The following SPIDR variants were observed in gnomAD, a reference collection of about 807,000 sequenced individuals.
SPIDR encodes the protein DNA repair-scaffolding protein.
In SPIDR, 93 loss-of-function variants were observed where a neutral mutation model predicts 104.6. The ratio of observed to expected loss-of-function variants is 0.89; its 90% CI spans 0.75 to 1.06. The LOEUF is 1.06. SPIDR is among the 50% of genes least tolerant of loss of function. The pLI is 0.00. For synonymous variants in SPIDR, 431 were observed against 416.9 expected, an observed-to-expected ratio of 1.03 and a Z score of -0.41; for missense variants, 1,154 against 1,111.2, an observed-to-expected ratio of 1.04 and a Z score of -0.55.
At chr8:47,385,926 A>G (rs567605502) in intron 5 of SPIDR, among the ~76,000 whole-genome samples, 2 of 152,162 alleles carry the variant, frequency 1.3e-5, no homozygotes, top group Non-Finnish European at 1.5e-5. Flanking sequence ...TTTGTGTCAT[A>G]CTAGAAAAAC....
intron 8 of SPIDR, 96 bp from the exon 9 acceptor site, chr8:47,595,715 C>T: frequency 3.4e-6 from 4 of 1,179,210 alleles, no homozygotes; most frequent in Non-Finnish European, 4.9e-6. Flanking sequence ...CTGTCCATAG[C>T]AGGCGAGTCA....
At chr8:47,526,038 G>T (rs1220885852) in intron 8 of SPIDR, among the ~76,000 whole-genome samples, 3 of 152,098 alleles carry the variant, frequency 2.0e-5, no homozygotes, top group Non-Finnish European at 4.4e-5. Flanking sequence ...GCATATAGTG[G>T]CACCAGCCTA....
chr8:47,728,997 C>G lies in SPIDR; in HGVS notation c.2500C>G (p.Gln834Glu). 1 of 1,614,012 alleles carries G rather than the reference C, an allele frequency of 6.2e-7. No homozygotes were observed. The highest frequency in any genetic ancestry group is 8.5e-7 in the Non-Finnish European group (1 of 1,180,042). ...ATCTCCTGTTCTCAAGAGGCACCTG[C>G]AGGTCTTCCTGGACTGCCGCTCAAG... ...VTSPVLKRHL[Q>E]VFLDCRSRPQ... Residue 834 changes from glutamine to glutamate, a missense_variant, in exon 18 of 20, where the codon CAG becomes GAG. By Grantham distance (29) the Gln-to-Glu change is conservative. Transcript: ENST00000297423.
At position 47,595,823 on chromosome 8, in the gene SPIDR, T is replaced by A. The variant is rs1226676766; in HGVS notation, c.1110T>A (p.Ile370=). The change falls in exon 9 of 20, where the codon ATT becomes ATA. Residue 370 remains isoleucine, a synonymous_variant. Transcript: ENST00000297423. ...TTCTCTTTTCCAGGCAAAAACTGAT[T>A]ATTCCAAGTGGAAGTTGCCCTGTTA... The part of the protein sequence containing the change: ...VRIFPPWQKL[I]IPSGSCPVIL... 6.2e-7 allele frequency: 1 copy of A among 1,613,980 alleles called. No individual in the cohort carries two copies. Among genetic ancestry groups the A allele is most frequent in the African/African-American group, 1.3e-5 (1 of 74,948 alleles).
chr8:47,349,065 G>A (rs1465780565), intron 5 of SPIDR, among the ~76,000 whole-genome samples: 3 of 152,192 alleles, frequency 2.0e-5, no homozygotes, highest in African/African-American at 7.2e-5. Flanking sequence ...TTTCTGCTCT[G>A]GTTTCTCCCC....
At chr8:47,360,716 A>G (rs2154289091) in intron 5 of SPIDR, 1 of 382,836 alleles carries the variant, frequency 2.6e-6, no homozygotes, top group Middle Eastern at 1.3e-3. Flanking sequence ...CCCACTTTCT[A>G]CATGTTGGCA....
At chr8:47,311,712 CTT>C (rs782752868) in intron 5 of SPIDR, among the ~76,000 whole-genome samples, 1 of 145,456 alleles carries the variant, frequency 6.9e-6, no homozygotes, top group Non-Finnish European at 1.5e-5. Context: ...TAGCTGACTT[CTT>C]TTTTTTTTTA....
At chr8:47,661,091 T>C in intron 10 of SPIDR, 1 of 333,894 alleles carries the variant, frequency 3.0e-6, no homozygotes. Flanking sequence ...AAAGTGGGGG[T>C]TATTGGGGTG....
intron 5 of SPIDR, among the ~76,000 whole-genome samples, chr8:47,342,833 A>G (rs1587351939): frequency 6.6e-6 from 1 of 152,146 alleles, no homozygotes; most frequent in East Asian, 1.9e-4. Context: ...CATTTTCCCA[A>G]CATGTTCTTA....
intron 5 of SPIDR, among the ~76,000 whole-genome samples, chr8:47,335,417 GT>G (rs1199809721): frequency 6.6e-6 from 1 of 151,942 alleles, no homozygotes; most frequent in Non-Finnish European, 1.5e-5. Flanking sequence ...TCTCACAACA[GT>G]TCATTCTTTG....
At chr8:47,261,060 G>A (rs2032021840) in intron 1 of SPIDR, 69 bp downstream of exon 1, 2 of 1,222,796 alleles carry the variant, frequency 1.6e-6, no homozygotes, top group Non-Finnish European at 2.0e-6. Context: ...GGCCGGCGCG[G>A]GGCTGGCCCC....
intron 5 of SPIDR, among the ~76,000 whole-genome samples, chr8:47,346,723 T>C (rs1264592494): frequency 1.3e-5 from 2 of 152,244 alleles, no homozygotes; most frequent in Non-Finnish European, 2.9e-5. Context: ...ACCCATTTCT[T>C]CTAGATTTTC....
intron 7 of SPIDR, among the ~76,000 whole-genome samples, chr8:47,434,888 C>A (rs955919558): frequency 6.6e-6 from 1 of 152,130 alleles, no homozygotes; most frequent in Non-Finnish European, 1.5e-5. Flanking sequence ...TCAACAACAA[C>A]AAAAAAGGCA....
At chr8:47,322,765 A>G (rs2046937228) in intron 5 of SPIDR, among the ~76,000 whole-genome samples, 1 of 152,224 alleles carries the variant, frequency 6.6e-6, no homozygotes, top group African/African-American at 2.4e-5. Context: ...GCCATAAAAA[A>G]GGATGAGTTC....
intron 7 of SPIDR, among the ~76,000 whole-genome samples, chr8:47,428,623 G>GT (rs1266104338): frequency 1.3e-5 from 2 of 152,012 alleles, no homozygotes; most frequent in Non-Finnish European, 2.9e-5. Flanking sequence ...AAAACAATTT[G>GT]TTTTTTTAGA....
chr8:47,260,975 G>A lies in SPIDR; in HGVS notation c.17G>A (p.Arg6His), dbSNP rs1182705303. ...CTCCCGGAGATGCCCCGCGGCAGCC[G>A]CGCTCGGGGCTCTAAGGTAGGCTCT... MPRGS[R>H]ARGSKRKRSW... The change falls in exon 1 of 20, where the codon CGC (arginine) becomes CAC (histidine). Residue 6 changes from arginine (R) to histidine (H), a missense_variant. By Grantham distance (29) the Arg-to-His change is conservative (BLOSUM62 0). Coordinates refer to ENST00000297423, the MANE Select transcript of SPIDR (RefSeq NM_001080394.4). 8.9e-6 allele frequency: 11 copies of A among 1,230,220 alleles called. No homozygotes were observed. The highest frequency in any genetic ancestry group is 3.2e-5 in the East Asian group (1 of 31,434). 76.2% of individuals were successfully genotyped at this position (1,230,220 alleles called of 1,614,324 possible).
intron 8 of SPIDR, among the ~76,000 whole-genome samples, chr8:47,538,047 C>T (rs577707241): frequency 6.6e-5 from 10 of 151,902 alleles, no homozygotes; most frequent in Non-Finnish European, 8.8e-5. Flanking sequence ...TGGTGACTCG[C>T]GCATATAATC....
At chr8:47,419,385 G>T (rs1183982566) in intron 7 of SPIDR, 3 of 152,142 alleles carry the variant, frequency 2.0e-5, no homozygotes, top group Non-Finnish European at 4.4e-5. Context: ...ATTTCTTCTA[G>T]ATTTTCTAGT....
At chr8:47,352,338 G>A (rs1170897478) in intron 5 of SPIDR, among the ~76,000 whole-genome samples, 1 of 151,944 alleles carries the variant, frequency 6.6e-6, no homozygotes, top group Non-Finnish European at 1.5e-5. Context: ...TTTTCATCTG[G>A]AGTCTAGGCT....
Sources: gnomAD v4.1 joint callset for allele counts (sites outside exome capture counted in the v4.1 genomes callset) on GRCh38, gnomAD v4.1.1 for gene constraint, MANE v1.5 for transcripts, NCBI Gene and HGNC (gene_info 2026-07-23, HGNC 2026-07-21) for gene names.